The following BICRA variants were observed in gnomAD, a reference collection of about 807,000 sequenced individuals.
BICRA encodes the protein BRD4-interacting chromatin-remodeling complex-associated protein.
Under a neutral mutation model 96.9 loss-of-function variants are expected in BICRA, and 31 were observed. The ratio of observed to expected loss-of-function variants is 0.32; its 90% CI spans 0.24 to 0.43. The LOEUF (loss-of-function observed/expected upper bound fraction) is 0.43. BICRA is among the 20% of genes least tolerant of loss of function. The pLI is 1.00. For missense variants in BICRA, 2,283 were observed against 2,190.3 expected (o/e 1.04, Z -0.84); for synonymous variants, 1,350 against 1,071.8 (o/e 1.26, Z -5.07).
At chr19:47,654,353 C>G in intron 1 of BICRA, among the ~76,000 whole-genome samples, 1 of 152,154 alleles carries the variant, frequency 6.6e-6, no homozygotes, top group South Asian at 2.1e-4. Context: ...TACTATTCCC[C>G]TGTTTAGAGA....
intron 1 of BICRA, among the ~76,000 whole-genome samples, chr19:47,665,609 A>G (rs1309082706): frequency 6.6e-6 from 1 of 152,148 alleles, no homozygotes; most frequent in Non-Finnish European, 1.5e-5. Context: ...AGCTGGGATT[A>G]CCGGTGTGCA....
intron 1 of BICRA, among the ~76,000 whole-genome samples, chr19:47,629,855 G>A (rs568926643): frequency 6.6e-6 from 1 of 152,122 alleles, no homozygotes; most frequent in South Asian, 2.1e-4. Context: ...ATGGGGTTTC[G>A]CCATGTTGGC....
upstream of BICRA, among the ~76,000 whole-genome samples, chr19:47,608,900 T>G (rs1249295143): frequency 6.8e-5 from 10 of 146,790 alleles, no homozygotes; most frequent in East Asian, 1.8e-3. Flanking sequence ...GAGGTTTTTT[T>G]TTTTTTTTTT....
intron 1 of BICRA, among the ~76,000 whole-genome samples, chr19:47,654,544 C>A (rs943626475): frequency 6.6e-6 from 1 of 152,060 alleles, no homozygotes; most frequent in African/African-American, 2.4e-5. Flanking sequence ...TGCAGTGGCA[C>A]GATCTCAGCT....
intron 6 of BICRA, 119 bp downstream of exon 6, chr19:47,681,395 AG>A: frequency 1.1e-6 from 1 of 891,624 alleles, no homozygotes; most frequent in South Asian, 1.6e-5. Flanking sequence ...TGGGGGGGGA[AG>A]GTCTCAGTCA....
chr19:47,700,257 A>T (rs553147611), intron 14 of BICRA: 2 of 152,180 alleles, frequency 1.3e-5, no homozygotes, highest in African/African-American at 4.8e-5. Flanking sequence ...CTCTTATCTG[A>T]CACCCTCGGG....
At chr19:47,679,013 A>T in intron 5 of BICRA, 1 of 256,548 alleles carries the variant, frequency 3.9e-6, no homozygotes, top group Non-Finnish European at 7.2e-6. Context: ...TGATCCTCTC[A>T]CCTCAGCCTC....
Position 47,699,205 on chromosome 19 carries a change from C to T in BICRA, c.3493-98C>T. ...GGGAGGGAGGCGGGAGCTCCCATCA[C>T]AAGGACAGTTTGGACCTTGCACGCA... On this transcript the variant is annotated intron_variant, in intron 13 of 14. Coordinates refer to ENST00000594866, the MANE Select transcript of BICRA (RefSeq NM_001394372.1). The surrounding 1 kb of genome is among the most constrained non-coding windows in gnomAD (Gnocchi z 5.0). 1.1e-6 allele frequency: 1 copy of T among 886,114 alleles called. No homozygotes were observed. The highest frequency in any genetic ancestry group is 1.8e-6 in the Non-Finnish European group (1 of 545,034). 54.9% of individuals were successfully genotyped at this position (886,114 alleles called of 1,614,324 possible).
intron 1 of BICRA, among the ~76,000 whole-genome samples, chr19:47,635,682 T>G (rs1972291127): frequency 6.7e-6 from 1 of 148,308 alleles, no homozygotes; most frequent in African/African-American, 2.4e-5. Flanking sequence ...TCTAGGCACC[T>G]CATCTAAGTG....
In BICRA at chr19:47,699,242, G is replaced by T. The variant is rs1371129927; in HGVS notation, c.3493-61G>T. On this transcript the variant is annotated intron_variant, in intron 13 of 14. Coordinates refer to ENST00000594866, the MANE Select transcript of BICRA (RefSeq NM_001394372.1). This position sits in a 1 kb window ranked among gnomAD's most constrained non-coding sequence, Gnocchi z 5.0. ...GGACCTTGCACGCATCGTCCCCGTC[G>T]CTCGCGCCCCTTCCCCCTTCTTGCT... is the stretch of plus-strand genomic sequence containing the variant. 17 of 1,001,590 alleles carry T rather than the reference G, an allele frequency of 1.7e-5. No homozygotes were observed. The highest frequency in any genetic ancestry group is 2.5e-5 in the Non-Finnish European group (16 of 646,138). The allele number at this position is 1,001,590 out of a possible 1,614,324, so 62.0% of individuals were successfully genotyped here.
In BICRA at chr19:47,680,292, G is replaced by T. The variant is rs1973017676; in HGVS notation, c.1122G>T (p.Ala374=). The T allele has an allele frequency of 1.3e-6, 2 of 1,555,456 alleles. No homozygotes were observed. The highest frequency in any genetic ancestry group is 1.2e-5 in the South Asian group (1 of 85,510). The change falls in exon 6 of 15, where the codon GCG becomes GCT. Residue 374 remains alanine, a synonymous_variant. Coordinates refer to ENST00000594866, the MANE Select transcript of BICRA (RefSeq NM_001394372.1). ...YQLTPKPFAP[A]GATLTIQGEP... ...TGACGCCCAAGCCGTTTGCGCCCGC[G>T]GGCGCCACGCTCACCATCCAGGGCG...
chr19:47,646,565 C>T (rs550324407), intron 1 of BICRA, among the ~76,000 whole-genome samples: 17 of 152,288 alleles, frequency 1.1e-4, no homozygotes, highest in African/African-American at 3.8e-4. Context: ...GAGTACTTCC[C>T]GAGCACATCC....
chr19:47,658,802 T>G (rs941396071), intron 1 of BICRA, among the ~76,000 whole-genome samples: 4 of 152,170 alleles, frequency 2.6e-5, no homozygotes, highest in Non-Finnish European at 5.9e-5. Context: ...TAGGAACCAG[T>G]GGTCTACAAA....
chr19:47,654,708 T>C (rs966948580), intron 1 of BICRA, among the ~76,000 whole-genome samples: 1 of 151,606 alleles, frequency 6.6e-6, no homozygotes, highest in African/African-American at 2.4e-5. Flanking sequence ...ATCCCAGCAC[T>C]TTGGGAGGCT....
chr19:47,650,061 C>T (rs371501640), intron 1 of BICRA, among the ~76,000 whole-genome samples: 8 of 152,006 alleles, frequency 5.3e-5, no homozygotes, highest in African/African-American at 1.7e-4. Context: ...AAATGATTAT[C>T]CTGCCTCAGC....
chr19:47,701,717 C>T lies in BICRA; in HGVS notation c.3985C>T (p.Pro1329Ser), dbSNP rs1421116134. Residue 1329 changes from proline (P) to serine (S), a missense_variant, in exon 15 of 15, where the codon CCC (proline) becomes TCC (serine). By Grantham distance (74) the Pro-to-Ser change is moderately conservative (BLOSUM62 -1). Transcript: ENST00000594866. This position sits in a 1 kb window ranked among gnomAD's most constrained non-coding sequence, Gnocchi z 5.4. Reference protein sequence around the residue: ...SKVVHNTALDPVHQPPPPPAT... With the variant: ...SKVVHNTALDSVHQPPPPPAT... The stretch of plus-strand genomic sequence containing the variant: ...GGTCGTGCACAACACGGCCCTGGAC[C>T]CCGTGCACCAGCCCCCGCCACCCCC... The T allele has an allele frequency of 1.9e-6, 3 of 1,592,606 alleles. No individual in the cohort carries two copies. In the South Asian group the frequency reaches 3.4e-5, roughly 18 times the overall value.
At chr19:47,673,460 A>T in intron 2 of BICRA, 110 bp from the exon 3 acceptor site, 1 of 805,664 alleles carries the variant, frequency 1.2e-6, no homozygotes, top group Non-Finnish European at 2.2e-6. Context: ...ACTCAAGGGA[A>T]CAGAAACTCT....
chr19:47,691,863 C>A (rs1973246092), intron 7 of BICRA, among the ~76,000 whole-genome samples: 1 of 152,018 alleles, frequency 6.6e-6, no homozygotes, highest in Non-Finnish European at 1.5e-5. Context: ...GGCCAGCCTA[C>A]CCCTTAATAT....
At chr19:47,671,410 C>G (rs750576753) in intron 2 of BICRA, among the ~76,000 whole-genome samples, 1 of 151,862 alleles carries the variant, frequency 6.6e-6, no homozygotes, top group East Asian at 1.9e-4. Flanking sequence ...ACCCCCTACC[C>G]CAACAAAAAA....
Sources: gnomAD v4.1 joint callset for allele counts (sites outside exome capture counted in the v4.1 genomes callset) on GRCh38, gnomAD v4.1.1 for gene constraint, Gnocchi (gnomAD v3.1) non-coding constraint, MANE v1.5 for transcripts, NCBI Gene and HGNC (gene_info 2026-07-23, HGNC 2026-07-21) for gene names.